GBF1: variants seen among roughly 807,000 people sequenced by gnomAD.
GBF1 encodes Golgi-specific brefeldin A-resistance guanine nucleotide exchange factor 1.
Under a neutral mutation model 210.5 loss-of-function variants are expected in GBF1, and 114 were observed. That is an observed-to-expected ratio of 0.54 (90% CI 0.47 to 0.63). The LOEUF (loss-of-function observed/expected upper bound fraction) is 0.63. Among genes scored for constraint, GBF1 ranks in the 30% least tolerant of loss-of-function variants. GBF1 has a pLI of 0.00. For missense variants in GBF1, 1,851 were observed against 2,357.7 expected (o/e 0.79, Z 4.45); for synonymous variants, 850 against 889.2 (o/e 0.96, Z 0.78).
chr10:102,249,452 T>C (rs2071228145), intron 1 of GBF1, among the ~76,000 whole-genome samples: 1 of 152,170 alleles, frequency 6.6e-6, no homozygotes, highest in African/African-American at 2.4e-5. Context: ...AGAGCTGAGG[T>C]ACCCTGGTCA....
chr10:102,240,497 C>G (rs2070505443), upstream of GBF1, among the ~76,000 whole-genome samples: 1 of 152,258 alleles, frequency 6.6e-6, no homozygotes, highest in Non-Finnish European at 1.5e-5. Context: ...AGGTGACCCA[C>G]CGCAGCCGAC....
At chr10:102,267,158 G>A (rs916285894) in intron 3 of GBF1, among the ~76,000 whole-genome samples, 13 of 152,320 alleles carry the variant, frequency 8.5e-5, no homozygotes, top group African/African-American at 2.6e-4. Context: ...AAATGGGGAG[G>A]TGTAGAGAAA....
chr10:102,333,912 G>T (rs902464083), intron 3 of GBF1, among the ~76,000 whole-genome samples: 1 of 152,168 alleles, frequency 6.6e-6, no homozygotes, highest in Non-Finnish European at 1.5e-5. Flanking sequence ...TCCTAAAATG[G>T]AATGTACAGA....
At chr10:102,358,447 G>A (rs888013268) in intron 9 of GBF1, 59 bp from the exon 10 acceptor site, 1 of 1,194,026 alleles carries the variant, frequency 8.4e-7, no homozygotes, top group Admixed American at 1.7e-5. Flanking sequence ...ACCATAGAGG[G>A]TTTGTTTTGC....
At chr10:102,293,764 G>GTTTA (rs2076643112) in intron 3 of GBF1, among the ~76,000 whole-genome samples, 1 of 50,888 alleles carries the variant, frequency 2.0e-5, no homozygotes, top group African/African-American at 5.7e-5. Flanking sequence ...GCTGTAGTAT[G>GTTTA]TTTTGTGTTT....
At position 102,382,298 on chromosome 10, in the gene GBF1, C is replaced by T. The variant is rs773641028; in HGVS notation, c.5545C>T (p.Arg1849Cys). ...ACCAGTGCCCCTCCTGGCCACACCC[C>T]GCCCCACAGATCCCATACCCACCTC... Reference protein sequence around the residue: ...TSPVPLLATPRPTDPIPTSEV... With the variant: ...TSPVPLLATPCPTDPIPTSEV... The change falls in exon 40 of 40, where the codon CGC becomes TGC. Residue 1849 changes from arginine to cysteine, a missense_variant. Arg to Cys is a radical substitution (Grantham distance 180). Coordinates refer to ENST00000369983, the MANE Select transcript of GBF1 (RefSeq NM_001377137.1). The T allele has an allele frequency of 3.5e-5, 57 of 1,613,444 alleles. No homozygotes were observed. In the East Asian group the frequency reaches 8.9e-4, roughly 25 times the overall value.
intron 1 of GBF1, among the ~76,000 whole-genome samples, chr10:102,249,721 T>C (rs1344225870): frequency 6.6e-6 from 1 of 151,666 alleles, no homozygotes; most frequent in African/African-American, 2.4e-5. Context: ...TGATGGAGTC[T>C]TGCTCTGTTG....
chr10:102,325,200 A>T (rs2056786282), intron 3 of GBF1, among the ~76,000 whole-genome samples: 1 of 152,134 alleles, frequency 6.6e-6, no homozygotes, highest in African/African-American at 2.4e-5. Context: ...ATTTCACATG[A>T]TATGCAGAAT....
At chr10:102,380,475 C>G in intron 37 of GBF1, 31 bp from the exon 38 acceptor site, 1 of 1,606,092 alleles carries the variant, frequency 6.2e-7, no homozygotes, top group South Asian at 1.1e-5. Flanking sequence ...TGCCCTCTTT[C>G]CTATTCTCAT....
chr10:102,235,254 G>A, the GBF1 span, among the ~76,000 whole-genome samples: 1 of 151,434 alleles, frequency 6.6e-6, no homozygotes, highest in Non-Finnish European at 1.5e-5. Context: ...TGTGGGGGAG[G>A]AGCAGGCCAA....
chr10:102,244,052 C>T (rs953511821), upstream of GBF1, among the ~76,000 whole-genome samples: 2 of 152,164 alleles, frequency 1.3e-5, no homozygotes, highest in African/African-American at 4.8e-5. Flanking sequence ...ATCACTTGAA[C>T]CCAGGAGGTG....
the GBF1 span, among the ~76,000 whole-genome samples, chr10:102,233,448 C>T: frequency 6.6e-6 from 1 of 151,782 alleles, no homozygotes; most frequent in African/African-American, 2.4e-5. Flanking sequence ...GGACTACAGG[C>T]ACGTGCCCCC....
At chr10:102,372,076 C>T (rs867283685) in intron 29 of GBF1, among the ~76,000 whole-genome samples, 2 of 149,272 alleles carry the variant, frequency 1.3e-5, no homozygotes, top group Admixed American at 6.7e-5. Context: ...ATTAGCTGGG[C>T]GTGATGGTGA....
At chr10:102,240,688 G>T (rs763436892), upstream of GBF1, among the ~76,000 whole-genome samples, 3 of 152,214 alleles carry the variant, frequency 2.0e-5, no homozygotes, top group Non-Finnish European at 4.4e-5. Context: ...CGATTCTGAG[G>T]CGGCCTCAAG....
At chr10:102,278,911 T>C (rs1253940219) in intron 3 of GBF1, among the ~76,000 whole-genome samples, 2 of 152,216 alleles carry the variant, frequency 1.3e-5, no homozygotes, top group African/African-American at 4.8e-5. Context: ...TTATTTACTG[T>C]GTAGATGTTA....
intron 3 of GBF1, among the ~76,000 whole-genome samples, chr10:102,321,750 C>T (rs967382563): frequency 2.0e-5 from 3 of 151,854 alleles, no homozygotes; most frequent in Non-Finnish European, 4.4e-5. Context: ...TTTGTAGAGA[C>T]GGGGTTTCGC....
At chr10:102,327,983 G>A (rs1412404161) in intron 3 of GBF1, among the ~76,000 whole-genome samples, 1 of 152,212 alleles carries the variant, frequency 6.6e-6, no homozygotes, top group Non-Finnish European at 1.5e-5. Context: ...CAAATAAGGT[G>A]TGACTTTTCA....
chr10:102,305,342 G>A (rs1347117945), intron 3 of GBF1, among the ~76,000 whole-genome samples: 1 of 152,112 alleles, frequency 6.6e-6, no homozygotes, highest in East Asian at 1.9e-4. Flanking sequence ...GCCAGGTGCA[G>A]TGGCTCATCC....
intron 3 of GBF1, among the ~76,000 whole-genome samples, chr10:102,279,420 CATT>C (rs1021730004): frequency 3.9e-5 from 6 of 152,120 alleles, no homozygotes; most frequent in African/African-American, 1.4e-4. Context: ...ATGAATTCAT[CATT>C]ATATTTCAGC....
Sources: gnomAD v4.1 joint callset for allele counts (sites outside exome capture counted in the v4.1 genomes callset) on GRCh38, gnomAD v4.1.1 for gene constraint, MANE v1.5 for transcripts, NCBI Gene and HGNC (gene_info 2026-07-23, HGNC 2026-07-21) for gene names.